CACNA2D3: variants seen among roughly 807,000 people sequenced by gnomAD.
CACNA2D3 encodes calcium voltage-gated channel auxiliary subunit alpha2delta 3.
A neutral mutation model predicts 160.6 loss-of-function variants in CACNA2D3; 60 were observed. That is an observed-to-expected ratio of 0.37 (90% CI 0.30 to 0.46). The LOEUF is 0.46. Ranked by LOEUF, CACNA2D3 falls within the 20% of genes least tolerant of loss-of-function variation. The pLI is 1.00. For synonymous variants in CACNA2D3, 558 were observed against 492.9 expected (o/e 1.13, Z -1.75); for missense variants, 1,205 against 1,365.0 (o/e 0.88, Z 1.85).
At chr3:54,841,305 G>A (rs1361545544) in intron 16 of CACNA2D3, among the ~76,000 whole-genome samples, 1 of 152,196 alleles carries the variant, frequency 6.6e-6, no homozygotes, top group Admixed American at 6.5e-5. Context: ...AACAGATGAA[G>A]GAAACGAAGC....
At chr3:54,149,883 GTCTCTCTCTCTCTC>G (rs554851240) in intron 2 of CACNA2D3, among the ~76,000 whole-genome samples, 77 of 60,734 alleles carry the variant, frequency 1.3e-3, no homozygotes, top group Non-Finnish European at 1.7e-3. Context: ...TGAAGTATCT[GTCTCTCTCTCTCTC>G]TCTCTCTCTC....
At chr3:54,242,580 C>T (rs1046026082) in intron 2 of CACNA2D3, among the ~76,000 whole-genome samples, 1 of 152,180 alleles carries the variant, frequency 6.6e-6, no homozygotes, top group African/African-American at 2.4e-5. Flanking sequence ...AGCCCTGCGA[C>T]GCCTCAACAG....
At chr3:54,527,242 A>C (rs1414813075) in intron 5 of CACNA2D3, among the ~76,000 whole-genome samples, 1 of 152,192 alleles carries the variant, frequency 6.6e-6, no homozygotes, top group African/African-American at 2.4e-5. Flanking sequence ...TTTCCACTAC[A>C]ACCTCCACTA....
intron 29 of CACNA2D3, among the ~76,000 whole-genome samples, chr3:54,981,839 A>T (rs541349300): frequency 1.3e-5 from 2 of 152,142 alleles, no homozygotes; most frequent in Admixed American, 1.3e-4. Flanking sequence ...TGTTAATCCA[A>T]CCTCTGACCA....
At chr3:54,250,134 G>C (rs1327383971) in intron 2 of CACNA2D3, among the ~76,000 whole-genome samples, 1 of 152,132 alleles carries the variant, frequency 6.6e-6, no homozygotes, top group African/African-American at 2.4e-5. Flanking sequence ...TTGATTTCAG[G>C]ACTGGTTGAC....
rs1174650714 is a variant in CACNA2D3, at chr3:55,072,853, G to GTT, written c.2988-592_2988-591insTT. On this transcript the variant is annotated intron_variant, in intron 35 of 37. Transcript: ENST00000474759. The stretch of plus-strand genomic sequence containing the variant: ...AGGTCAGAGCAGATATACAGCCTTG[G>GTT]CTCTTTCTTATAGAACTTGGGCTCT... Among the ~76,000 whole-genome samples, 121 of 152,324 alleles carry GTT rather than the reference G, an allele frequency of 7.9e-4. 2 individuals carry two copies. Among genetic ancestry groups the GTT allele is most frequent in the Non-Finnish European group, 1.4e-3 (95 of 68,036 alleles).
At chr3:54,245,339 TTGAG>T (rs1476831819) in intron 2 of CACNA2D3, among the ~76,000 whole-genome samples, 1 of 151,196 alleles carries the variant, frequency 6.6e-6, no homozygotes, top group Non-Finnish European at 1.5e-5. Context: ...GAGAGAGAGA[TTGAG>T]AGAGAGTGCG....
At chr3:54,936,461 T>A (rs928093798) in intron 27 of CACNA2D3, among the ~76,000 whole-genome samples, 2 of 152,192 alleles carry the variant, frequency 1.3e-5, no homozygotes, top group East Asian at 3.9e-4. Flanking sequence ...AAGTTGATTG[T>A]TAGTATCATG....
At chr3:54,463,102 C>A (rs1264774013) in intron 4 of CACNA2D3, among the ~76,000 whole-genome samples, 1 of 151,842 alleles carries the variant, frequency 6.6e-6, no homozygotes, top group Non-Finnish European at 1.5e-5. Flanking sequence ...TGAATATTGG[C>A]CCCCACTCTC....
chr3:55,051,928 C>T (rs898164017), intron 35 of CACNA2D3, among the ~76,000 whole-genome samples: 4 of 152,196 alleles, frequency 2.6e-5, no homozygotes, highest in Admixed American at 1.3e-4. Flanking sequence ...ACCCCTTGCG[C>T]TTCCCAAGTG....
intron 4 of CACNA2D3, among the ~76,000 whole-genome samples, chr3:54,425,341 A>G (rs1699896738): frequency 6.6e-6 from 1 of 152,150 alleles, no homozygotes; most frequent in African/African-American, 2.4e-5. Context: ...CAAAACAAAC[A>G]AACAAACAAA....
intron 27 of CACNA2D3, among the ~76,000 whole-genome samples, chr3:54,958,495 G>C (rs1386997988): frequency 6.6e-6 from 1 of 152,222 alleles, no homozygotes; most frequent in African/African-American, 2.4e-5. Flanking sequence ...GAAAGAGGAA[G>C]CCAGGGTGGA....
intron 4 of CACNA2D3, among the ~76,000 whole-genome samples, chr3:54,441,529 G>T (rs2106795375): frequency 6.6e-6 from 1 of 152,246 alleles, no homozygotes; most frequent in East Asian, 1.9e-4. Flanking sequence ...TGTTGCCATT[G>T]CTTTTGGTGT....
Position 54,811,172 on chromosome 3 carries a change from A to G in CACNA2D3, c.1381-5681A>G, listed in dbSNP as rs200905160. ...TGCCTACCCTACACCTCTGCCTGCA[A>G]TCCTAAGAGACATCTTGAACTTTTC... On this transcript the variant is annotated intron_variant, in intron 13 of 37. Transcript: ENST00000474759. Among the ~76,000 whole-genome samples, 8 of 152,302 alleles carry G rather than the reference A, an allele frequency of 5.3e-5. No individual in the cohort carries two copies. In the East Asian group the frequency reaches 9.7e-4, roughly 18 times the overall value.
intron 11 of CACNA2D3, among the ~76,000 whole-genome samples, chr3:54,649,167 G>T (rs1699711451): frequency 1.3e-5 from 2 of 152,094 alleles, no homozygotes; most frequent in African/African-American, 4.8e-5. Context: ...CTCTCTCCTT[G>T]CTTCTTCATC....
At chr3:54,423,998 C>T (rs1051252352) in intron 4 of CACNA2D3, among the ~76,000 whole-genome samples, 3 of 151,666 alleles carry the variant, frequency 2.0e-5, no homozygotes, top group Non-Finnish European at 4.4e-5. Context: ...GTCAAGGGAG[C>T]ACAGCTCAGC....
chr3:54,341,789 T>G (rs536191705), intron 3 of CACNA2D3, among the ~76,000 whole-genome samples: 1 of 152,354 alleles, frequency 6.6e-6, no homozygotes, highest in South Asian at 2.1e-4. Context: ...AGAGTGTATG[T>G]AACTAACTGC....
At chr3:54,691,966 ATAATAT>A (rs1700580141) in intron 11 of CACNA2D3, among the ~76,000 whole-genome samples, 1 of 151,602 alleles carries the variant, frequency 6.6e-6, no homozygotes, top group Non-Finnish European at 1.5e-5. Context: ...AAAGTAATTA[ATAATAT>A]TAATTTCTTT....
chr3:54,836,236 T>C (rs893428223), intron 14 of CACNA2D3, among the ~76,000 whole-genome samples: 3 of 134,320 alleles, frequency 2.2e-5, no homozygotes, highest in African/African-American at 5.5e-5. Flanking sequence ...CTTTTTTTTT[T>C]TTTTTGTTTT....
Sources: allele counts gnomAD v4.1 joint callset (sites outside exome capture counted in the v4.1 genomes callset), GRCh38; gene constraint gnomAD v4.1.1; transcripts MANE v1.5; gene names NCBI Gene and HGNC (gene_info 2026-07-23, HGNC 2026-07-21).